Variants in SGCD observed in about 807,000 individuals in gnomAD.
SGCD encodes sarcoglycan delta.
In SGCD, 18 loss-of-function variants were observed where a neutral mutation model predicts 36.6. That is an observed-to-expected ratio of 0.49 (90% CI 0.34 to 0.73). The LOEUF (loss-of-function observed/expected upper bound fraction) is 0.73. Ranked by LOEUF, SGCD falls within the 30% of genes least tolerant of loss-of-function variation. SGCD has a pLI of 0.01. For missense variants in SGCD, 387 were observed against 346.7 expected (o/e 1.12, Z -0.92); for synonymous variants, 133 against 130.6 (o/e 1.02, Z -0.12).
Position 156,508,622 on chromosome 5 carries a change from A to G in SGCD, c.214A>G (p.Ile72Val). 6.2e-7 allele frequency: 1 copy of G among 1,610,596 alleles called. No homozygotes were observed. The highest frequency in any genetic ancestry group is 8.5e-7 in the Non-Finnish European group (1 of 1,177,132). ...TCAGGATGGAATGGGAAACCTGAGG[A>G]TCACAGAAAAAGGTCTAAAGCTAGA... ...FTIDGMGNLR[I>V]TEKGLKLEGD... The change falls in exon 4 of 9, where the codon ATC (isoleucine) becomes GTC (valine). Residue 72 changes from isoleucine to valine, a missense_variant. Physicochemically the swap from Ile to Val is conservative, Grantham distance 29. Coordinates refer to ENST00000337851, the MANE Select transcript of SGCD (RefSeq NM_000337.6).
At chr5:156,398,166 G>A (rs144635068) in intron 3 of SGCD, among the ~76,000 whole-genome samples, 4 of 152,342 alleles carry the variant, frequency 2.6e-5, no homozygotes, top group Non-Finnish European at 4.4e-5. Context: ...CTGACAGTCT[G>A]AAGTGATAGA....
At chr5:156,694,047 G>A (rs1474148466) in intron 7 of SGCD, among the ~76,000 whole-genome samples, 1 of 152,096 alleles carries the variant, frequency 6.6e-6, no homozygotes, top group Non-Finnish European at 1.5e-5. Flanking sequence ...TACATTCCCT[G>A]CCTGGGCCCT....
chr5:156,504,377 T>C (rs1231366670), intron 3 of SGCD, among the ~76,000 whole-genome samples: 1 of 123,378 alleles, frequency 8.1e-6, no homozygotes, highest in East Asian at 2.1e-4. Context: ...CATGAGTATA[T>C]GTGGGTGTGT....
At chr5:156,112,180 A>G (rs773790990) in intron 1 of SGCD, among the ~76,000 whole-genome samples, 3 of 152,200 alleles carry the variant, frequency 2.0e-5, no homozygotes, top group Non-Finnish European at 4.4e-5. Context: ...AGTAAGTGAG[A>G]TGTAAAATTA....
At chr5:156,175,023 G>A (rs1035706588) in intron 3 of SGCD, among the ~76,000 whole-genome samples, 1 of 152,150 alleles carries the variant, frequency 6.6e-6, no homozygotes, top group Admixed American at 6.5e-5. Context: ...AGATAAATGA[G>A]TCTAGGGAAA....
intron 3 of SGCD, among the ~76,000 whole-genome samples, chr5:156,130,483 T>C (rs868060160): frequency 3.3e-5 from 5 of 152,318 alleles, no homozygotes; most frequent in Middle Eastern, 3.4e-3. Flanking sequence ...ATAGATGCTC[T>C]TAAGTTTAAT....
At chr5:156,736,153 T>C (rs1027209998) in intron 7 of SGCD, among the ~76,000 whole-genome samples, 1 of 152,206 alleles carries the variant, frequency 6.6e-6, no homozygotes, top group Admixed American at 6.5e-5. Flanking sequence ...GTTGACTGTC[T>C]GGATGTGTCA....
chr5:156,357,900 A>G (rs11743060), intron 3 of SGCD, among the ~76,000 whole-genome samples: 58,321 of 152,124 alleles, frequency 0.38, 12,600 homozygotes, highest in East Asian at 0.79. Flanking sequence ...ATAAATAAGA[A>G]TGAGCAATGG....
chr5:155,791,312 C>G, the SGCD span, among the ~76,000 whole-genome samples: 2 of 152,128 alleles, frequency 1.3e-5, no homozygotes, highest in East Asian at 1.9e-4. Context: ...CAAAATACAG[C>G]CTGTCAGAAG....
At chr5:156,535,999 T>G (rs1758091694) in intron 4 of SGCD, among the ~76,000 whole-genome samples, 1 of 152,142 alleles carries the variant, frequency 6.6e-6, no homozygotes, top group Non-Finnish European at 1.5e-5. Flanking sequence ...AAGATGCGTA[T>G]GAGACATAAG....
intron 1 of SGCD, among the ~76,000 whole-genome samples, chr5:155,944,296 A>C (rs577882952): frequency 6.6e-6 from 1 of 152,224 alleles, no homozygotes; most frequent in Non-Finnish European, 1.5e-5. Context: ...ATAAAAGTAA[A>C]TGTGTATATA....
intron 3 of SGCD, among the ~76,000 whole-genome samples, chr5:156,179,618 A>C (rs1478145468): frequency 3.4e-5 from 5 of 147,620 alleles, no homozygotes; most frequent in African/African-American, 1.3e-4. Flanking sequence ...ATAATTTTCC[A>C]ACTTTTTTTT....
At chr5:156,670,866 C>T (rs183240391) in intron 7 of SGCD, among the ~76,000 whole-genome samples, 12 of 152,234 alleles carry the variant, frequency 7.9e-5, no homozygotes, top group Admixed American at 1.3e-4. Context: ...CTGTCACTAA[C>T]TTGAAGGTAA....
At chr5:155,886,397 T>C (rs867668182) in intron 1 of SGCD, among the ~76,000 whole-genome samples, 5 of 152,184 alleles carry the variant, frequency 3.3e-5, no homozygotes, top group Non-Finnish European at 7.3e-5. Flanking sequence ...GAGAATCTGA[T>C]TGATGGATCT....
At chr5:155,992,327 C>G (rs1041046731) in intron 1 of SGCD, among the ~76,000 whole-genome samples, 1 of 152,088 alleles carries the variant, frequency 6.6e-6, no homozygotes, top group African/African-American at 2.4e-5. Flanking sequence ...TAAGGAAGGT[C>G]AGGGTACATG....
rs145715367 is a variant in SGCD, at chr5:156,452,639, G to A, written c.193-55962G>A. On this transcript the variant is annotated intron_variant, in intron 3 of 8. Coordinates refer to ENST00000337851, the MANE Select transcript of SGCD (RefSeq NM_000337.6). ...ATGCCAAATGAATGAAAGCCAACAG[G>A]GTCCTTGGATTTTCTTTCCTAACAT... is the stretch of plus-strand genomic sequence containing the variant. 3.0e-4 allele frequency among the ~76,000 whole-genome samples: 46 copies of A among 152,140 alleles called. No homozygotes were observed. In the East Asian group the frequency reaches 7.3e-3, roughly 24 times the overall value.
At chr5:155,819,516 T>C in the SGCD span, among the ~76,000 whole-genome samples, 1 of 152,242 alleles carries the variant, frequency 6.6e-6, no homozygotes, top group African/African-American at 2.4e-5. Context: ...CATGTACTTT[T>C]ATGTGGATTA....
intron 7 of SGCD, among the ~76,000 whole-genome samples, chr5:156,687,968 C>T (rs1753966951): frequency 6.6e-6 from 1 of 152,166 alleles, no homozygotes; most frequent in Non-Finnish European, 1.5e-5. Flanking sequence ...CCTACCCCAG[C>T]CCTTCCCAAT....
intron 4 of SGCD, among the ~76,000 whole-genome samples, chr5:156,553,711 C>T (rs1055849717): frequency 3.9e-5 from 6 of 152,156 alleles, no homozygotes; most frequent in African/African-American, 1.2e-4. Flanking sequence ...TTACATAGTA[C>T]ATGACCTTCT....
Sources: gnomAD v4.1 joint callset for allele counts (sites outside exome capture counted in the v4.1 genomes callset) on GRCh38, gnomAD v4.1.1 for gene constraint, MANE v1.5 for transcripts, NCBI Gene and HGNC (gene_info 2026-07-23, HGNC 2026-07-21) for gene names.